The following FMN2 variants were observed in gnomAD, a reference collection of about 807,000 sequenced individuals.
FMN2 encodes the protein formin-2.
Under a neutral mutation model 142.3 loss-of-function variants are expected in FMN2, and 51 were observed. The ratio of observed to expected loss-of-function variants is 0.36; its 90% CI spans 0.29 to 0.45. The LOEUF is 0.45. Among genes scored for constraint, FMN2 ranks in the 20% least tolerant of loss-of-function variants. FMN2 has a pLI of 1.00. For synonymous variants in FMN2, 882 were observed against 869.8 expected (o/e 1.01, Z -0.25); for missense variants, 1,936 against 2,122.8 (o/e 0.91, Z 1.73).
At chr1:240,232,896 C>T (rs1190443951) in intron 6 of FMN2, among the ~76,000 whole-genome samples, 2 of 152,126 alleles carry the variant, frequency 1.3e-5, no homozygotes, top group South Asian at 4.1e-4. Context: ...TTTTCTTACT[C>T]ATCTTACTGT....
chr1:240,240,495 G>A lies in FMN2; in HGVS notation c.4066-17450G>A, dbSNP rs150310356. ...TCATTAACCTTATTATCTGCATCAC[G>A]TCTTTTATTTGTGATGATTAATATC... On this transcript the variant is annotated intron_variant, in intron 6 of 17. Coordinates refer to ENST00000319653, the MANE Select transcript of FMN2 (RefSeq NM_020066.5). Among the ~76,000 whole-genome samples the A allele has an allele frequency of 4.5e-3, 678 of 152,136 alleles. 9 individuals are homozygous for A. Among genetic ancestry groups the A allele is most frequent in the African/African-American group, 0.015 (638 of 41,496 alleles).
intron 8 of FMN2, among the ~76,000 whole-genome samples, chr1:240,310,182 T>A (rs1002763420): frequency 5.9e-5 from 9 of 152,206 alleles, no homozygotes; most frequent in African/African-American, 2.2e-4. Flanking sequence ...AATATATGGG[T>A]AATAATCTTA....
chr1:240,190,560 G>T (rs557627508), intron 4 of FMN2, among the ~76,000 whole-genome samples: 1 of 151,998 alleles, frequency 6.6e-6, no homozygotes, highest in Non-Finnish European at 1.5e-5. Flanking sequence ...ATTATAATGC[G>T]CATTTAACTG....
chr1:240,439,270 C>CAAAAAAAAAAAAAAA (rs58234038), intron 16 of FMN2, among the ~76,000 whole-genome samples: 6 of 101,258 alleles, frequency 5.9e-5, no homozygotes, highest in African/African-American at 2.3e-4. Flanking sequence ...AAGGCTGTCT[C>CAAAAAAAAAAAAAAA]AAAAAAAAAA....
At chr1:240,287,772 T>C (rs1338163403) in intron 7 of FMN2, among the ~76,000 whole-genome samples, 2 of 152,232 alleles carry the variant, frequency 1.3e-5, no homozygotes, top group African/African-American at 4.8e-5. Flanking sequence ...TGCGTGGCAC[T>C]GCATTTGACT....
chr1:240,471,494 A>G (rs1245821840), intron 16 of FMN2, among the ~76,000 whole-genome samples: 1 of 151,508 alleles, frequency 6.6e-6, no homozygotes, highest in African/African-American at 2.4e-5. Flanking sequence ...TCCTGCCTCA[A>G]CCTCCGAGTA....
chr1:240,211,807 T>C (rs1043702499), intron 6 of FMN2, among the ~76,000 whole-genome samples: 50 of 152,322 alleles, frequency 3.3e-4, no homozygotes, highest in Non-Finnish European at 3.2e-4. Flanking sequence ...AAAGAAAGAT[T>C]GGTGCATTTC....
intron 1 of FMN2, among the ~76,000 whole-genome samples, chr1:240,098,345 A>G (rs186763643): frequency 2.0e-5 from 3 of 152,018 alleles, no homozygotes; most frequent in Admixed American, 6.6e-5. Context: ...CAGGTGTTCT[A>G]TCTGCCTTGG....
At chr1:240,100,813 A>G (rs756404223) in intron 1 of FMN2, among the ~76,000 whole-genome samples, 3 of 152,194 alleles carry the variant, frequency 2.0e-5, no homozygotes, top group Non-Finnish European at 4.4e-5. Flanking sequence ...AATGGACTGA[A>G]AACAGTCCTA....
intron 4 of FMN2, among the ~76,000 whole-genome samples, chr1:240,194,019 C>T (rs1028975566): frequency 3.9e-5 from 6 of 152,118 alleles, no homozygotes; most frequent in Non-Finnish European, 7.3e-5. Flanking sequence ...CTAAAAAATA[C>T]ACTAGTTTTT....
intron 4 of FMN2, among the ~76,000 whole-genome samples, chr1:240,193,622 G>A (rs1346892794): frequency 6.6e-6 from 1 of 152,238 alleles, no homozygotes; most frequent in Non-Finnish European, 1.5e-5. Context: ...CAATAGTCCA[G>A]GTGACCTGAG....
chr1:240,121,365 TA>T (rs1240626133), intron 1 of FMN2, among the ~76,000 whole-genome samples: 1 of 148,460 alleles, frequency 6.7e-6, no homozygotes, highest in Non-Finnish European at 1.5e-5. Context: ...GCCAGTGTCT[TA>T]TTTTTTTTAT....
chr1:240,261,894 A>C (rs2102903903), intron 7 of FMN2, among the ~76,000 whole-genome samples: 1 of 152,188 alleles, frequency 6.6e-6, no homozygotes, highest in Non-Finnish European at 1.5e-5. Flanking sequence ...GGTTTATAGT[A>C]ATTTGAAGTC....
At chr1:240,112,076 C>A (rs76312101) in intron 1 of FMN2, among the ~76,000 whole-genome samples, 11,239 of 151,996 alleles carry the variant, frequency 0.074, 515 homozygotes, top group South Asian at 0.15. Flanking sequence ...ATGGGCCTTT[C>A]CTAGATAAAG....
chr1:240,358,603 G>A (rs1209299156), intron 14 of FMN2, among the ~76,000 whole-genome samples: 1 of 148,164 alleles, frequency 6.7e-6, no homozygotes, highest in Non-Finnish European at 1.5e-5. Flanking sequence ...GGGGAAGCAA[G>A]GCATCTTCTT....
intron 7 of FMN2, among the ~76,000 whole-genome samples, chr1:240,264,525 T>G (rs1227441586): frequency 6.6e-6 from 1 of 152,116 alleles, no homozygotes; most frequent in Non-Finnish European, 1.5e-5. Flanking sequence ...ATACTATCCC[T>G]CCCTTTGCCC....
At chr1:240,293,919 G>T (rs1222242624) in intron 7 of FMN2, among the ~76,000 whole-genome samples, 1 of 152,208 alleles carries the variant, frequency 6.6e-6, no homozygotes, top group South Asian at 2.1e-4. Flanking sequence ...TGTCTCATGT[G>T]AAACTTTGAG....
At chr1:240,244,926 T>C (rs1299184027) in intron 6 of FMN2, among the ~76,000 whole-genome samples, 1 of 152,222 alleles carries the variant, frequency 6.6e-6, no homozygotes, top group African/African-American at 2.4e-5. Flanking sequence ...CGGACATTTT[T>C]GGATGCTTAC....
intron 13 of FMN2, among the ~76,000 whole-genome samples, chr1:240,339,923 AC>A (rs1194062213): frequency 6.6e-6 from 1 of 152,052 alleles, no homozygotes; most frequent in Non-Finnish European, 1.5e-5. Context: ...ACCTCCAATA[AC>A]ATTTAAGAAG....
Sources: allele counts gnomAD v4.1 joint callset (sites outside exome capture counted in the v4.1 genomes callset), GRCh38; gene constraint gnomAD v4.1.1; transcripts MANE v1.5; gene names NCBI Gene and HGNC (gene_info 2026-07-23, HGNC 2026-07-21).